The following NCKAP5 variants were observed in gnomAD, a reference collection of about 807,000 sequenced individuals.
NCKAP5 encodes NCK associated protein 5, also known as nck-associated protein 5.
In NCKAP5, 92 loss-of-function variants were observed where a neutral mutation model predicts 167.0. The observed-to-expected ratio is 0.55, with a 90% CI of 0.47 to 0.66. The LOEUF (loss-of-function observed/expected upper bound fraction) is 0.66. NCKAP5 is among the 30% of genes least tolerant of loss of function. The probability of loss-of-function intolerance (pLI) is 0.00; values close to 1 mark genes in which losing one functional copy is unlikely to be tolerated. For missense variants in NCKAP5, 2,378 were observed against 2,315.0 expected (o/e 1.03, Z -0.56); for synonymous variants, 891 against 877.4 (o/e 1.02, Z -0.27).
intron 4 of NCKAP5, among the ~76,000 whole-genome samples, chr2:133,297,171 G>GTA (rs1384242395): frequency 4.4e-5 from 4 of 90,138 alleles, no homozygotes; most frequent in African/African-American, 1.8e-4. Flanking sequence ...GTCACAGTGT[G>GTA]TGTGTGTGTG....
the NCKAP5 span, among the ~76,000 whole-genome samples, chr2:133,643,963 T>C: frequency 1.3e-5 from 2 of 152,214 alleles, no homozygotes; most frequent in Non-Finnish European, 2.9e-5. Context: ...AGGACTCAAC[T>C]CCGGCATTAG....
intron 5 of NCKAP5, among the ~76,000 whole-genome samples, chr2:133,187,261 G>C (rs1376874868): frequency 6.6e-6 from 1 of 151,952 alleles, no homozygotes; most frequent in Non-Finnish European, 1.5e-5. Flanking sequence ...GTATAGTTTT[G>C]AGAGATCTTC....
At chr2:132,879,367 T>C (rs1214429381) in intron 8 of NCKAP5, among the ~76,000 whole-genome samples, 2 of 152,234 alleles carry the variant, frequency 1.3e-5, no homozygotes, top group Non-Finnish European at 2.9e-5. Flanking sequence ...CTAAATATGT[T>C]ACTTTCATTG....
chr2:133,665,716 C>A, the NCKAP5 span, among the ~76,000 whole-genome samples: 43 of 151,142 alleles, frequency 2.8e-4, no homozygotes, highest in Admixed American at 2.2e-3. Flanking sequence ...TGGGAAAAAA[C>A]CACAATATCC....
At chr2:133,307,117 T>C (rs1680834904) in intron 3 of NCKAP5, among the ~76,000 whole-genome samples, 1 of 152,232 alleles carries the variant, frequency 6.6e-6, no homozygotes, top group Non-Finnish European at 1.5e-5. Flanking sequence ...ACTAACTTGA[T>C]GAACATCCTA....
chr2:132,698,641 T>C (rs1687565074), intron 19 of NCKAP5, among the ~76,000 whole-genome samples: 1 of 152,106 alleles, frequency 6.6e-6, no homozygotes, highest in Non-Finnish European at 1.5e-5. Context: ...AAGACTATCC[T>C]GGCTAACATG....
intron 16 of NCKAP5, among the ~76,000 whole-genome samples, chr2:132,743,962 AGTTAT>A (rs1415041440): frequency 6.6e-6 from 1 of 151,746 alleles, no homozygotes; most frequent in Non-Finnish European, 1.5e-5. Flanking sequence ...AATATGTTAT[AGTTAT>A]AACAAGGTAA....
intron 5 of NCKAP5, among the ~76,000 whole-genome samples, chr2:133,201,647 T>G (rs74987313): frequency 6.6e-6 from 1 of 152,262 alleles, no homozygotes; most frequent in East Asian, 1.9e-4. Context: ...CAAGACCATA[T>G]AAACTCATCA....
chr2:133,115,775 GTATA>G (rs10683280), intron 6 of NCKAP5, among the ~76,000 whole-genome samples: 6,031 of 93,988 alleles, frequency 0.064, 207 homozygotes, highest in South Asian at 0.088. Context: ...ATGTGTGTGT[GTATA>G]TATATATATA....
intron 4 of NCKAP5, among the ~76,000 whole-genome samples, chr2:133,297,071 C>A (rs918636091): frequency 3.3e-5 from 5 of 151,766 alleles, no homozygotes. Flanking sequence ...TAAAAAAATT[C>A]TTTTTCTCCT....
At chr2:132,814,955 C>G (rs1271563852) in intron 11 of NCKAP5, among the ~76,000 whole-genome samples, 1 of 152,136 alleles carries the variant, frequency 6.6e-6, no homozygotes. Context: ...GTGAAGCAGG[C>G]ACCCAGAAGG....
intron 18 of NCKAP5, 95 bp downstream of exon 18, chr2:132,728,721 A>G: frequency 6.7e-7 from 1 of 1,484,222 alleles, no homozygotes; most frequent in Non-Finnish European, 9.1e-7. Flanking sequence ...AATTTCATTT[A>G]AAGTGAAATC....
At position 132,784,546 on chromosome 2, in the gene NCKAP5, G is replaced by A. The variant is rs1351172070; in HGVS notation, c.2265C>T (p.Ser755=). ...CTGTCCTGGAGCTGAAAGATTCAGTGGACACCCTGGGAACATTATCTACAT... is the reference window on the plus strand; with the variant it reads ...CTGTCCTGGAGCTGAAAGATTCAGTAGACACCCTGGGAACATTATCTACAT... ...KDNVDNVPRV[S]TESFSSRTVT... is the part of the protein sequence containing the mutation. The change falls in exon 14 of 20, where the codon TCC becomes TCT. Residue 755 remains serine, a synonymous_variant. Transcript: ENST00000409261. The A allele has an allele frequency of 6.4e-7, 1 of 1,568,274 alleles. No homozygotes were observed. The highest frequency in any genetic ancestry group is 1.2e-5 in the South Asian group (1 of 82,406).
At chr2:133,086,301 C>T (rs934173577) in intron 6 of NCKAP5, among the ~76,000 whole-genome samples, 1 of 152,044 alleles carries the variant, frequency 6.6e-6, no homozygotes, top group African/African-American at 2.4e-5. Flanking sequence ...TATCTGATGC[C>T]CAGCTCTATT....
At chr2:133,385,726 C>T (rs1686904480) in intron 3 of NCKAP5, among the ~76,000 whole-genome samples, 2 of 152,054 alleles carry the variant, frequency 1.3e-5, no homozygotes, top group South Asian at 2.1e-4. Context: ...AATTTCAGAG[C>T]CTGTTATTGG....
intron 4 of NCKAP5, among the ~76,000 whole-genome samples, chr2:133,258,846 G>A (rs1450490708): frequency 1.3e-5 from 2 of 152,038 alleles, no homozygotes; most frequent in Non-Finnish European, 2.9e-5. Flanking sequence ...AACTTCTGTA[G>A]GAGAGAAACA....
At chr2:133,273,479 G>A (rs2089601058) in intron 4 of NCKAP5, among the ~76,000 whole-genome samples, 1 of 151,866 alleles carries the variant, frequency 6.6e-6, no homozygotes, top group African/African-American at 2.4e-5. Flanking sequence ...ATATCTCACA[G>A]AGAGTTACAG....
chr2:132,909,596 A>G (rs369853411), intron 8 of NCKAP5, among the ~76,000 whole-genome samples: 36 of 152,256 alleles, frequency 2.4e-4, no homozygotes, highest in East Asian at 1.5e-3. Context: ...AATTTTCCTG[A>G]CTGGGAGATG....
chr2:133,477,281 T>C (rs1680004711), intron 3 of NCKAP5, among the ~76,000 whole-genome samples: 1 of 152,230 alleles, frequency 6.6e-6, no homozygotes, highest in African/African-American at 2.4e-5. Context: ...GCTCCTGCTG[T>C]AGGTTCAAGG....
Sources: gnomAD v4.1 joint callset for allele counts (sites outside exome capture counted in the v4.1 genomes callset) on GRCh38, gnomAD v4.1.1 for gene constraint, MANE v1.5 for transcripts, NCBI Gene and HGNC (gene_info 2026-07-23, HGNC 2026-07-21) for gene names.